Variants in CEP72 observed in about 807,000 individuals in gnomAD.
CEP72 encodes the protein centrosomal protein of 72 kDa.
In CEP72, 78 loss-of-function variants were observed where a neutral mutation model predicts 65.7. That is an observed-to-expected ratio of 1.19 (90% CI 0.99 to 1.43). CEP72 has a LOEUF of 1.43. CEP72 is among the 40% of genes most tolerant of loss of function. CEP72 has a pLI of 0.00. For synonymous variants in CEP72, 358 were observed against 351.7 expected (o/e 1.02, Z -0.20); for missense variants, 914 against 832.9 (o/e 1.10, Z -1.20).
intron 5 of CEP72, 113 bp from the exon 6 acceptor site, chr5:635,259 A>AC: frequency 2.6e-6 from 2 of 769,000 alleles, no homozygotes; most frequent in Non-Finnish European, 4.2e-6. Flanking sequence ...CACGTGATTA[A>AC]CCCCTCGGTC....
At chr5:662,836 C>T (rs901974187) in intron 1 of CEP72, 1 of 152,466 alleles carries the variant, frequency 6.6e-6, no homozygotes, top group Non-Finnish European at 1.5e-5. Flanking sequence ...TTGTGATGGG[C>T]TGTTATCGGG....
chr5:667,806 C>T (rs113283701), downstream of CEP72, among the ~76,000 whole-genome samples: 6 of 140,316 alleles, frequency 4.3e-5, 1 homozygote, highest in Non-Finnish European at 9.4e-5. Context: ...CCGCGTGGGC[C>T]CCATCAGGGA....
rs1405221221 is a variant in CEP72, at chr5:624,308, G to A, written c.404-163G>A. On this transcript the variant is annotated intron_variant, in intron 3 of 11. Transcript: ENST00000264935. This position sits in a 1 kb window ranked among gnomAD's most constrained non-coding sequence, Gnocchi z 4.7. ...CCTCAGCACCACGCTGGGCATCGCC[G>A]GGAAGCTGTGGGACCACCAGAGCCC... Among the ~76,000 whole-genome samples, 3 of 152,218 alleles carry A rather than the reference G, an allele frequency of 2.0e-5. No homozygotes were observed. Among genetic ancestry groups the A allele is most frequent in the Non-Finnish European group, 2.9e-5 (2 of 68,046 alleles).
rs1296223776 is a variant in CEP72, at chr5:640,616, C to G, written c.1539+12C>G. On this transcript the variant is annotated intron_variant, in intron 9 of 11. Coordinates refer to ENST00000264935, the MANE Select transcript of CEP72 (RefSeq NM_018140.4). ...CACACAAGGAGCTGGTGAGCCCGCC[C>G]TGGCGCTGTGTCTGTGTCCATGTGA... 1 of 1,603,634 alleles carries G rather than the reference C, an allele frequency of 6.2e-7. No individual in the cohort carries two copies. The highest frequency in any genetic ancestry group is 8.5e-7 in the Non-Finnish European group (1 of 1,176,490).
At chr5:629,345 A>T (rs1427696676) in intron 4 of CEP72, among the ~76,000 whole-genome samples, 1 of 152,280 alleles carries the variant, frequency 6.6e-6, no homozygotes, top group South Asian at 2.1e-4. Flanking sequence ...AAGTGTAATC[A>T]CATAGCAGAA....
At chr5:613,198 T>C (rs1323592810) in intron 1 of CEP72, among the ~76,000 whole-genome samples, 1 of 152,220 alleles carries the variant, frequency 6.6e-6, no homozygotes, top group Non-Finnish European at 1.5e-5. Flanking sequence ...AGCCTGTTAA[T>C]GTCTGTGTGT....
chr5:669,366 C>T (rs183905630), downstream of CEP72, among the ~76,000 whole-genome samples: 546 of 152,268 alleles, frequency 3.6e-3, 3 homozygotes, highest in Admixed American at 9.7e-3. Context: ...ACGCGCTCGG[C>T]GTGGACACCC....
chr5:627,249 C>G (rs1014561432), intron 4 of CEP72, among the ~76,000 whole-genome samples: 1 of 152,206 alleles, frequency 6.6e-6, no homozygotes, highest in African/African-American at 2.4e-5. Flanking sequence ...TGAGTTGTCA[C>G]GTTGGTGGGC....
chr5:637,660 G>A lies in CEP72; in HGVS notation c.1048G>A (p.Gly350Ser), dbSNP rs1443858555. The A allele has an allele frequency of 1.2e-6, 2 of 1,614,012 alleles. No individual in the cohort carries two copies. Among genetic ancestry groups the A allele is most frequent in the Non-Finnish European group, 8.5e-7 (1 of 1,180,044 alleles). ...GRFQTFSDQE[G>S]LGCPERTHGS... ...ATTCCAGACGTTTTCGGACCAGGAG[G>A]GTTTGGGCTGCCCGGAGAGAACTCA... is the stretch of plus-strand genomic sequence containing the variant. Residue 350 changes from glycine to serine, a missense_variant, in exon 7 of 12, where the codon GGT becomes AGT. Coordinates refer to ENST00000264935, the MANE Select transcript of CEP72 (RefSeq NM_018140.4).
intron 11 of CEP72, among the ~76,000 whole-genome samples, chr5:650,964 TG>T (rs373081757): frequency 3.3e-3 from 2 of 604 alleles, no homozygotes; most frequent in Middle Eastern, 0.5. Context: ...CTGTGAGGCG[TG>T]GACTGTGAGG....
At chr5:642,307 G>A (rs1561054430) in intron 9 of CEP72, 6 of 984,076 alleles carry the variant, frequency 6.1e-6, no homozygotes, top group Non-Finnish European at 7.2e-6. Context: ...AACACACATG[G>A]CCCCTCATCT....
chr5:616,335 T>G (rs1175982910), intron 1 of CEP72, among the ~76,000 whole-genome samples: 1 of 152,214 alleles, frequency 6.6e-6, no homozygotes, highest in Non-Finnish European at 1.5e-5. Context: ...TCTTTATATC[T>G]CCTGTTTCTT....
At chr5:618,044 A>G (rs758752343) in intron 1 of CEP72, among the ~76,000 whole-genome samples, 4 of 152,202 alleles carry the variant, frequency 2.6e-5, no homozygotes, top group Non-Finnish European at 4.4e-5. Flanking sequence ...CAGTTGTAAC[A>G]GGAGGACAGC....
At position 620,301 on chromosome 5, in the gene CEP72, G is replaced by T. The variant is rs185512969; in HGVS notation, c.403+40G>T. Reference sequence around the variant, plus strand: ...GGGCCACGCTCATGCTTTTGTCCCCGTGGGGTATGGGAGTCGGGGAGTCGT... The same window carrying T: ...GGGCCACGCTCATGCTTTTGTCCCCTTGGGGTATGGGAGTCGGGGAGTCGT... On this transcript the variant is annotated intron_variant, in intron 3 of 11. Transcript: ENST00000264935. 5 of 1,573,104 alleles carry T rather than the reference G, an allele frequency of 3.2e-6. No individual in the cohort carries two copies. The African/African-American group carries it at 5.4e-5, about 17-fold the overall frequency.
chr5:622,800 G>A (rs1184244663), intron 3 of CEP72, among the ~76,000 whole-genome samples: 7 of 152,190 alleles, frequency 4.6e-5, no homozygotes, highest in Admixed American at 2.6e-4. Flanking sequence ...TTAGGATTTC[G>A]CTGTTTAATT....
At chr5:666,079 G>A (rs749246726) in exon 4 of CEP72, 5 of 1,612,124 alleles carry the variant, frequency 3.1e-6, no homozygotes, top group South Asian at 1.1e-5. Context: ...CTCCTCCAGC[G>A]CCTCCTGGAA....
chr5:647,656 T>A, intron 10 of CEP72, 149 bp from the exon 11 acceptor site: 1 of 615,716 alleles, frequency 1.6e-6, no homozygotes, highest in South Asian at 2.0e-5. Flanking sequence ...GCTCGCCCTG[T>A]CTTTGAGTCT....
At chr5:636,848 C>T (rs565239233) in intron 6 of CEP72, among the ~76,000 whole-genome samples, 3 of 151,930 alleles carry the variant, frequency 2.0e-5, no homozygotes, top group Admixed American at 1.3e-4. Flanking sequence ...AACCTTGTCT[C>T]GCGTGACCCT....
intron 9 of CEP72, chr5:642,560 A>G: frequency 1.0e-6 from 1 of 985,490 alleles, no homozygotes; most frequent in Non-Finnish European, 1.2e-6. Flanking sequence ...TGTGCCGAGC[A>G]CCAGTGCTGC....
Sources: allele counts gnomAD v4.1 joint callset (sites outside exome capture counted in the v4.1 genomes callset), GRCh38; gene constraint gnomAD v4.1.1; non-coding constraint Gnocchi (gnomAD v3.1); transcripts MANE v1.5; gene names NCBI Gene and HGNC (gene_info 2026-07-23, HGNC 2026-07-21).